RBFOX3: variants seen among roughly 807,000 people sequenced by gnomAD.
RBFOX3 encodes RNA binding fox-1 homolog 3, also known as RNA binding protein fox-1 homolog 3.
Under a neutral mutation model 48.7 loss-of-function variants are expected in RBFOX3, and 17 were observed. The observed-to-expected ratio is 0.35, with a 90% CI of 0.24 to 0.52. The LOEUF (loss-of-function observed/expected upper bound fraction) is 0.52, where lower values mean the gene tolerates loss of function less well. Among genes scored for constraint, RBFOX3 ranks in the 20% least tolerant of loss-of-function variants. The pLI is 0.94. For missense variants in RBFOX3, 382 were observed against 497.5 expected (o/e 0.77, Z 2.21); for synonymous variants, 212 against 209.5 (o/e 1.01, Z -0.10).
At chr17:79,355,381 C>T (rs1568098855) in intron 2 of RBFOX3, among the ~76,000 whole-genome samples, 1 of 152,188 alleles carries the variant, frequency 6.6e-6, no homozygotes, top group African/African-American at 2.4e-5. Context: ...GCCAGGCAAG[C>T]ATTTCCTCTC....
intron 4 of RBFOX3, among the ~76,000 whole-genome samples, chr17:79,138,690 G>GCACAC (rs878955971): frequency 3.7e-5 from 1 of 27,032 alleles, no homozygotes; most frequent in Non-Finnish European, 1.1e-4. Flanking sequence ...CCATACACAT[G>GCACAC]GACACAGCAC....
intron 4 of RBFOX3, among the ~76,000 whole-genome samples, chr17:79,178,063 C>T (rs1273823230): frequency 6.6e-6 from 1 of 152,240 alleles, no homozygotes; most frequent in African/African-American, 2.4e-5. Flanking sequence ...GAGCAGCCCC[C>T]ATCTGTGTCC....
chr17:79,300,804 C>A (rs2075193085), intron 3 of RBFOX3, among the ~76,000 whole-genome samples: 1 of 152,204 alleles, frequency 6.6e-6, no homozygotes. Flanking sequence ...CTTGGTGAGG[C>A]ACCTGGGGCT....
intron 1 of RBFOX3, among the ~76,000 whole-genome samples, chr17:79,577,628 G>A (rs956531826): frequency 6.6e-6 from 1 of 152,200 alleles, no homozygotes; most frequent in South Asian, 2.1e-4. Context: ...GGTGATGGGC[G>A]CACACTTTGC....
chr17:79,147,474 T>C (rs1205090702), intron 4 of RBFOX3, among the ~76,000 whole-genome samples: 2 of 152,158 alleles, frequency 1.3e-5, no homozygotes, highest in Non-Finnish European at 2.9e-5. Flanking sequence ...GCCCATGCTG[T>C]GCGCCAGAAG....
In RBFOX3 at chr17:79,101,565, G is replaced by A; in HGVS notation, c.568+19C>T. 6.5e-7 allele frequency: 1 copy of A among 1,548,782 alleles called. No individual in the cohort carries two copies. Among genetic ancestry groups the A allele is most frequent in the Non-Finnish European group, 8.7e-7 (1 of 1,144,850 alleles). The stretch of plus-strand genomic sequence containing the variant: ...AGCCAGTGACCCCAGCAGCCTTGTG[G>A]GGGGACCCAGCCCCTTACCGTTGGT... On this transcript the variant is annotated intron_variant, in intron 9 of 14. Coordinates refer to ENST00000693108, the MANE Select transcript of RBFOX3 (RefSeq NM_001350451.2).
At chr17:79,147,186 C>T (rs376813704) in intron 4 of RBFOX3, among the ~76,000 whole-genome samples, 10 of 152,312 alleles carry the variant, frequency 6.6e-5, no homozygotes, top group African/African-American at 2.2e-4. Flanking sequence ...AGAGATGGCA[C>T]GGCCCAAGTC....
intron 2 of RBFOX3, among the ~76,000 whole-genome samples, chr17:79,358,351 G>C (rs1443892051): frequency 6.6e-6 from 1 of 152,258 alleles, no homozygotes. Flanking sequence ...GGATGCTCAC[G>C]CCGTGGGGAG....
At chr17:79,656,684 G>GAGAGACAGAAAGAAAGAAAGAAA in the RBFOX3 span, among the ~76,000 whole-genome samples, 1 of 29,098 alleles carries the variant, frequency 3.4e-5, no homozygotes, top group African/African-American at 6.9e-5. Context: ...AAGGAAGGAG[G>GAGAGACAGAAAGAAAGAAAGAAA]GAAGGAAGGA....
intron 4 of RBFOX3, among the ~76,000 whole-genome samples, chr17:79,154,803 T>C (rs1044434425): frequency 2.6e-5 from 4 of 151,922 alleles, no homozygotes; most frequent in African/African-American, 9.7e-5. Context: ...CACTGAGGAG[T>C]CTGGGCCTCC....
the RBFOX3 span, among the ~76,000 whole-genome samples, chr17:79,658,059 T>A: frequency 3.5e-4 from 53 of 151,990 alleles, 1 homozygote; most frequent in Middle Eastern, 3.4e-3. Context: ...GGCCCTTGAG[T>A]TTCAGTGGCC....
At position 79,242,413 on chromosome 17, in the gene RBFOX3, T is replaced by G. The variant is rs1381617066; in HGVS notation, c.-73-6608A>C. Among the ~76,000 whole-genome samples, 1 of 152,140 alleles carries G rather than the reference T, an allele frequency of 6.6e-6. No individual in the cohort carries two copies. The highest frequency in any genetic ancestry group is 1.5e-5 in the Non-Finnish European group (1 of 68,020). On this transcript the variant is annotated intron_variant, in intron 3 of 14. Transcript: ENST00000693108. This position sits in a 1 kb window ranked among gnomAD's most constrained non-coding sequence, Gnocchi z 5.8. Reference sequence around the variant, plus strand: ...TAAAATTATAAAATTTTTTATAAATTATAAAAAATCAACTGTGGGTGGCTT... The same window carrying G: ...TAAAATTATAAAATTTTTTATAAATGATAAAAAATCAACTGTGGGTGGCTT...
intron 2 of RBFOX3, among the ~76,000 whole-genome samples, chr17:79,353,834 G>A (rs2084428717): frequency 6.6e-6 from 1 of 152,184 alleles, no homozygotes; most frequent in Non-Finnish European, 1.5e-5. Flanking sequence ...CCTTCCCCAG[G>A]CGAACCTTGC....
Position 79,106,665 on chromosome 17 carries a change from G to C in RBFOX3, c.346C>G (p.Arg116Gly). The C allele has an allele frequency of 1.3e-6, 2 of 1,481,656 alleles. No individual in the cohort carries two copies. The highest frequency in any genetic ancestry group is 1.8e-6 in the Non-Finnish European group (2 of 1,119,970). 91.8% of individuals were successfully genotyped at this position (1,481,656 alleles called of 1,614,324 possible). A position where few individuals can be genotyped will look rare whatever the true frequency, so the allele number is the denominator to read the frequency against. ...CGCACACTCACCCCGAACATTTGCC[G>C]CAAGTCGGGGTCCCTGAACCGGAAG... ...IPFRFRDPDL[R>G]QMFGQFGKIL... Residue 116 changes from arginine (R) to glycine (G), a missense_variant, in exon 6 of 15, where the codon CGG becomes GGG. Arg to Gly is a moderately radical substitution (Grantham distance 125). This residue lies in a region of RBFOX3 where 49 missense variants were observed against 110.7 expected (regional missense o/e 0.44). Transcript: ENST00000693108.
chr17:79,393,020 G>A (rs1200588353), intron 2 of RBFOX3, among the ~76,000 whole-genome samples: 4 of 152,270 alleles, frequency 2.6e-5, no homozygotes, highest in Admixed American at 6.5e-5. Context: ...GCATCGTGAT[G>A]GAGACCAAAG....
intron 3 of RBFOX3, among the ~76,000 whole-genome samples, chr17:79,276,554 G>T (rs527759438): frequency 1.3e-5 from 2 of 152,026 alleles, no homozygotes. Context: ...GTCTGGTGGT[G>T]GGCGCCTGTA....
At chr17:79,410,439 C>T (rs144442840) in intron 2 of RBFOX3, among the ~76,000 whole-genome samples, 123 of 152,218 alleles carry the variant, frequency 8.1e-4, no homozygotes, top group Non-Finnish European at 5.3e-4. Context: ...GGGGATTTTG[C>T]GGCAGGGGGG....
chr17:79,340,308 AAC>A (rs1777133489), intron 2 of RBFOX3, among the ~76,000 whole-genome samples: 3 of 150,374 alleles, frequency 2.0e-5, no homozygotes, highest in Non-Finnish European at 3.0e-5. Context: ...CAAAAAAAAA[AAC>A]AAAAAACAAA....
chr17:79,650,685 A>G, the RBFOX3 span, among the ~76,000 whole-genome samples: 4 of 151,968 alleles, frequency 2.6e-5, no homozygotes, highest in Admixed American at 2.6e-4. Flanking sequence ...CAGAGGATGC[A>G]CTTCTGGAGA....
Sources: gnomAD v4.1 joint callset for allele counts (sites outside exome capture counted in the v4.1 genomes callset) on GRCh38, gnomAD v4.1.1 for gene constraint, gnomAD v4.1.1 regional missense constraint, Gnocchi (gnomAD v3.1) non-coding constraint, MANE v1.5 for transcripts, NCBI Gene and HGNC (gene_info 2026-07-23, HGNC 2026-07-21) for gene names.